ZNF184: variants seen among roughly 807,000 people sequenced by gnomAD.
ZNF184 encodes the protein zinc finger protein 184, also known as zinc finger protein 184 (Kruppel-like).
Under a neutral mutation model 54.4 loss-of-function variants are expected in ZNF184, and 16 were observed. The observed-to-expected ratio is 0.29, with a 90% CI of 0.20 to 0.45. ZNF184 has a LOEUF of 0.45. ZNF184 is among the 20% of genes least tolerant of loss of function. ZNF184 has a pLI of 1.00. For missense variants in ZNF184, 681 were observed against 888.2 expected (o/e 0.77, Z 2.97); for synonymous variants, 254 against 295.3 (o/e 0.86, Z 1.43).
At chr6:27,471,406 C>A (rs903595442) in intron 2 of ZNF184, among the ~76,000 whole-genome samples, 2 of 152,126 alleles carry the variant, frequency 1.3e-5, no homozygotes, top group Non-Finnish European at 2.9e-5. Context: ...TAGATCACTG[C>A]AGTTTATGTA....
the ZNF184 span, among the ~76,000 whole-genome samples, chr6:27,440,615 A>C: frequency 3.0e-3 from 454 of 152,310 alleles, 7 homozygotes; most frequent in African/African-American, 0.01. Flanking sequence ...GAACTTCACC[A>C]AAGTTATGAT....
At chr6:27,413,518 T>G in the ZNF184 span, among the ~76,000 whole-genome samples, 1 of 152,210 alleles carries the variant, frequency 6.6e-6, no homozygotes, top group Non-Finnish European at 1.5e-5. Context: ...ATGCTCATTG[T>G]TCAGGTTTAA....
At position 27,451,106 on chromosome 6, in the gene ZNF184, A is replaced by G. The variant is rs1388239204; in HGVS notation, c.*197T>C. 1.9e-6 allele frequency: 1 copy of G among 522,442 alleles called. No homozygotes were observed. The highest frequency in any genetic ancestry group is 3.2e-6 in the Non-Finnish European group (1 of 315,230). 32.4% of individuals were successfully genotyped at this position (522,442 alleles called of 1,614,324 possible). A position where few individuals can be genotyped will look rare whatever the true frequency, so the allele number is the denominator to read the frequency against. ...AAAGGAAACTAAAGCTTAAAACAGT[A>G]GAGTTTTCTAATGTCACAGAGTGGC... On this transcript the variant is annotated 3_prime_UTR_variant, in exon 6 of 6. Transcript: ENST00000683788.
the ZNF184 span, among the ~76,000 whole-genome samples, chr6:27,432,871 T>C: frequency 6.6e-6 from 1 of 152,192 alleles, no homozygotes. The surrounding 1 kb of genome is among the most constrained non-coding windows in gnomAD (Gnocchi z 4.0). Flanking sequence ...ACAAGTGAGA[T>C]GTCATCTGAT....
chr6:27,448,618 T>C (rs558807773), downstream of ZNF184, among the ~76,000 whole-genome samples: 13 of 152,326 alleles, frequency 8.5e-5, no homozygotes, highest in Admixed American at 7.2e-4. Flanking sequence ...CCAGTGTTTC[T>C]GAAACTGCCA....
At chr6:27,471,366 TA>T (rs1411440062) in intron 2 of ZNF184, among the ~76,000 whole-genome samples, 1 of 152,224 alleles carries the variant, frequency 6.6e-6, no homozygotes, top group East Asian at 1.9e-4. Flanking sequence ...AGGATAATAA[TA>T]ATTCCATTAC....
At chr6:27,458,145 T>C (rs1188004883) in intron 3 of ZNF184, among the ~76,000 whole-genome samples, 3 of 150,936 alleles carry the variant, frequency 2.0e-5, no homozygotes, top group Non-Finnish European at 4.4e-5. Context: ...TAAAATAGAA[T>C]AAAAAACAGG....
At chr6:27,449,302 T>C (rs1762672817), downstream of ZNF184, among the ~76,000 whole-genome samples, 1 of 152,248 alleles carries the variant, frequency 6.6e-6, no homozygotes, top group Non-Finnish European at 1.5e-5. Flanking sequence ...CCTTGCCTCA[T>C]AAACAACTGG....
the ZNF184 span, among the ~76,000 whole-genome samples, chr6:27,411,348 G>T: frequency 1.3e-5 from 2 of 152,150 alleles, no homozygotes; most frequent in African/African-American, 4.8e-5. Context: ...TTCAATATAC[G>T]AATTTTGGGG....
chr6:27,472,415 C>G lies in ZNF184; in HGVS notation c.-121G>C. 1 of 1,277,074 alleles carries G rather than the reference C, an allele frequency of 7.8e-7. No homozygotes were observed. The highest frequency in any genetic ancestry group is 1.9e-5 in the Admixed American group (1 of 53,502). 79.1% of individuals were successfully genotyped at this position (1,277,074 alleles called of 1,614,324 possible). On this transcript the variant is annotated 5_prime_UTR_variant, in exon 2 of 6. Coordinates refer to ENST00000683788, the MANE Select transcript of ZNF184 (RefSeq NM_001318891.2). The surrounding 1 kb of genome is among the most constrained non-coding windows in gnomAD (Gnocchi z 4.8). ...AACTCCCCTTGCAGGGAATCTGCAACACGCTGAGGTTGTCTACCCTAAAAG... is the reference window on the plus strand; with the variant it reads ...AACTCCCCTTGCAGGGAATCTGCAAGACGCTGAGGTTGTCTACCCTAAAAG...
At chr6:27,467,953 G>A (rs553943128) in intron 2 of ZNF184, 33 bp from the exon 3 acceptor site, 19 of 1,512,122 alleles carry the variant, frequency 1.3e-5, no homozygotes, top group Middle Eastern at 3.5e-4. Flanking sequence ...TATGACTTCT[G>A]TTCAATTTAG....
At chr6:27,468,047 G>A (rs1763186461) in intron 2 of ZNF184, 127 bp from the exon 3 acceptor site, 2 of 808,300 alleles carry the variant, frequency 2.5e-6, no homozygotes, top group African/African-American at 3.5e-5. Context: ...ATTTTAGAAT[G>A]CAAAAAAAGT....
chr6:27,467,520 G>A (rs1335477857), intron 3 of ZNF184, among the ~76,000 whole-genome samples: 3 of 152,040 alleles, frequency 2.0e-5, no homozygotes, highest in Admixed American at 6.6e-5. Context: ...GCTTGAACCC[G>A]GCAGGCGGAG....
At chr6:27,446,814 A>C (rs777102438), downstream of ZNF184, among the ~76,000 whole-genome samples, 3 of 152,188 alleles carry the variant, frequency 2.0e-5, no homozygotes, top group African/African-American at 4.8e-5. Context: ...CCCTAGATGT[A>C]GGACAAAGAG....
chr6:27,439,552 G>C, the ZNF184 span, among the ~76,000 whole-genome samples: 1 of 152,146 alleles, frequency 6.6e-6, no homozygotes, highest in Admixed American at 6.5e-5. Context: ...GAGTAGCCTA[G>C]CACTGTGTCA....
At position 27,452,113 on chromosome 6, in the gene ZNF184, G is replaced by A. The variant is rs1184966515; in HGVS notation, c.1446C>T (p.Ala482=). 2.5e-6 allele frequency: 4 copies of A among 1,613,838 alleles called. No individual in the cohort carries two copies. In the African/African-American group the frequency reaches 5.3e-5, roughly 22 times the overall value. ...GAGTAAGGGATGAGCAGTAACTGAA[G>A]GCCTTTCCACATTCATTGCATTTGT... ...KPYKCNECGK[A]FSYCSSLTQH... Residue 482 remains alanine (A), a synonymous_variant, in exon 6 of 6, where the codon GCC becomes GCT. Coordinates refer to ENST00000683788, the MANE Select transcript of ZNF184 (RefSeq NM_001318891.2). This position sits in a 1 kb window ranked among gnomAD's most constrained non-coding sequence, Gnocchi z 5.5.
intron 5 of ZNF184, among the ~76,000 whole-genome samples, chr6:27,456,117 G>A (rs1333845820): frequency 6.6e-6 from 1 of 152,078 alleles, no homozygotes; most frequent in Non-Finnish European, 1.5e-5. Flanking sequence ...AATTAGCCAG[G>A]CATGGTGGCG....
chr6:27,406,659 TG>T, the ZNF184 span: 1 of 152,272 alleles, frequency 6.6e-6, no homozygotes, highest in East Asian at 1.9e-4. Flanking sequence ...GCACCAAGTC[TG>T]TACAAGAGTG....
rs1346640089 is a variant in ZNF184 at position 27,453,901 on chromosome 6, T to C, written c.299-641A>G. Among the ~76,000 whole-genome samples, 2 of 152,224 alleles carry C rather than the reference T, an allele frequency of 1.3e-5. No homozygotes were observed. The highest frequency in any genetic ancestry group is 2.4e-5 in the African/African-American group (1 of 41,530). On this transcript the variant is annotated intron_variant, in intron 5 of 5. Coordinates refer to ENST00000683788, the MANE Select transcript of ZNF184 (RefSeq NM_001318891.2). This position sits in a 1 kb window ranked among gnomAD's most constrained non-coding sequence, Gnocchi z 4.7. ...TCAGAATAACAAGGATGTTCAAATG[T>C]AGGATGGAAAGTATCAGCTCAAAAA...
Sources: allele counts gnomAD v4.1 joint callset (sites outside exome capture counted in the v4.1 genomes callset), GRCh38; gene constraint gnomAD v4.1.1; non-coding constraint Gnocchi (gnomAD v3.1); transcripts MANE v1.5; gene names NCBI Gene and HGNC (gene_info 2026-07-23, HGNC 2026-07-21).